TTC28: variants seen among roughly 807,000 people sequenced by gnomAD.
TTC28 encodes tetratricopeptide repeat domain 28.
In TTC28, 61 loss-of-function variants were observed where a neutral mutation model predicts 198.0. The ratio of observed to expected loss-of-function variants is 0.31; its 90% CI spans 0.25 to 0.38. The LOEUF (loss-of-function observed/expected upper bound fraction) is 0.38. Ranked by LOEUF, TTC28 falls within the 10% of genes least tolerant of loss-of-function variation. The pLI, the probability that TTC28 is intolerant of heterozygous loss-of-function variation, is 1.00. For missense variants in TTC28, 2,678 were observed against 3,164.0 expected, an observed-to-expected ratio of 0.85 and a Z score of 3.69; for synonymous variants, 1,171 against 1,297.8, an observed-to-expected ratio of 0.90 and a Z score of 2.10.
At chr22:28,506,949 T>G (rs186794269) in intron 2 of TTC28, among the ~76,000 whole-genome samples, 19 of 152,260 alleles carry the variant, frequency 1.2e-4, no homozygotes, top group African/African-American at 4.6e-4. Context: ...CCCACAAAGA[T>G]GAGAAAGAAT....
At chr22:28,357,882 G>A (rs1056072503) in intron 2 of TTC28, among the ~76,000 whole-genome samples, 7 of 152,088 alleles carry the variant, frequency 4.6e-5, no homozygotes, top group Non-Finnish European at 7.3e-5. Flanking sequence ...CATGAGAGCC[G>A]ATTCGTCGAT....
chr22:28,593,830 T>C (rs909612170), intron 2 of TTC28, among the ~76,000 whole-genome samples: 7 of 152,208 alleles, frequency 4.6e-5, no homozygotes, highest in Non-Finnish European at 1.0e-4. Flanking sequence ...TTTCTATCCA[T>C]GGCCATTTAC....
At chr22:28,669,709 A>C (rs182796997) in intron 1 of TTC28, among the ~76,000 whole-genome samples, 1 of 152,338 alleles carries the variant, frequency 6.6e-6, no homozygotes, top group Admixed American at 6.5e-5. Flanking sequence ...CAAATACCTT[A>C]ACATGTTCAC....
Position 28,065,791 on chromosome 22 carries a change from G to A in TTC28, c.3932+28289C>T, listed in dbSNP as rs542077799. On this transcript the variant is annotated intron_variant, in intron 12 of 22. Transcript: ENST00000397906. ...ATTTCAGACCGTAAGCTTCCAATGA[G>A]TTAGGCTCTGTCCATGTGAGAAAGG... 2.6e-5 allele frequency among the ~76,000 whole-genome samples: 4 copies of A among 152,348 alleles called. No homozygotes were observed. The South Asian group carries it at 8.3e-4, about 32-fold the overall frequency.
At chr22:28,290,094 C>T (rs1418218906) in intron 5 of TTC28, among the ~76,000 whole-genome samples, 1 of 152,088 alleles carries the variant, frequency 6.6e-6, no homozygotes, top group African/African-American at 2.4e-5. Context: ...TACTTTCAGG[C>T]TGCTATCTAG....
In TTC28 at chr22:27,983,346, A is replaced by G. The variant is rs1937089375; in HGVS notation, c.6321T>C (p.Asn2107=). 6.4e-7 allele frequency: 1 copy of G among 1,551,460 alleles called. No homozygotes were observed. Residue 2107 remains asparagine, a synonymous_variant, in exon 23 of 23, where the codon AAT becomes AAC. Transcript: ENST00000397906. ...VSSKGSISTP[N]SPVKMTLIPS... ...GAATCAGAGTCATTTTCACTGGAGA[A>G]TTTGGAGTGCTGATGCTCCCTTTGG...
At chr22:28,468,206 T>G (rs541320646) in intron 2 of TTC28, among the ~76,000 whole-genome samples, 1 of 152,244 alleles carries the variant, frequency 6.6e-6, no homozygotes, top group South Asian at 2.1e-4. Context: ...CAATCCTCTC[T>G]GAGAAAAAGC....
intron 2 of TTC28, among the ~76,000 whole-genome samples, chr22:28,374,004 T>TA (rs2046374757): frequency 6.6e-6 from 1 of 152,214 alleles, no homozygotes. Context: ...TGATCAGATT[T>TA]AGCTGTAAGT....
At chr22:28,189,764 C>CAAACTTGAAGACAGAATTG (rs1924555484) in intron 5 of TTC28, among the ~76,000 whole-genome samples, 2 of 151,896 alleles carry the variant, frequency 1.3e-5, no homozygotes, top group Admixed American at 1.3e-4. Context: ...AACTACCAAT[C>CAAACTTGAAGACAGAATTG]AAACTTGAAG....
Position 28,107,080 on chromosome 22 carries a change from C to A in TTC28, c.2765G>T (p.Gly922Val). ...RMQDQAKAYR[G>V]LGNGHRAMGS... ...TTTTTACCTGTGTCCATTTCCCAGGCCCCGGTAAGCCTTGGCTTGGTCTTG... is the reference window on the plus strand; with the variant it reads ...TTTTTACCTGTGTCCATTTCCCAGGACCCGGTAAGCCTTGGCTTGGTCTTG... The change falls in exon 7 of 23, where the codon GGC becomes GTC. Residue 922 changes from glycine (G) to valine (V), a missense_variant. Gly to Val is a moderately radical substitution (Grantham distance 109). Coordinates refer to ENST00000397906, the MANE Select transcript of TTC28 (RefSeq NM_001145418.2). 1 of 1,548,612 alleles carries A rather than the reference C, an allele frequency of 6.5e-7. No homozygotes were observed. The highest frequency in any genetic ancestry group is 8.7e-7 in the Non-Finnish European group (1 of 1,144,572).
At chr22:28,204,946 G>A (rs1217955520) in intron 5 of TTC28, among the ~76,000 whole-genome samples, 2 of 152,024 alleles carry the variant, frequency 1.3e-5, no homozygotes, top group Non-Finnish European at 2.9e-5. Context: ...CTTAAAGCTG[G>A]TTATTATTTA....
At chr22:28,589,685 G>C (rs181777461) in intron 2 of TTC28, among the ~76,000 whole-genome samples, 2 of 151,980 alleles carry the variant, frequency 1.3e-5, no homozygotes, top group African/African-American at 4.8e-5. Flanking sequence ...GTAAATCTAC[G>C]GTTATGGAGT....
At chr22:28,652,082 C>T (rs190784145) in intron 1 of TTC28, among the ~76,000 whole-genome samples, 18 of 152,220 alleles carry the variant, frequency 1.2e-4, no homozygotes, top group East Asian at 7.7e-4. Context: ...TCAGGTGATC[C>T]GCCCACATTG....
chr22:28,191,549 G>A (rs1261715286), intron 5 of TTC28, among the ~76,000 whole-genome samples: 2 of 152,210 alleles, frequency 1.3e-5, no homozygotes, highest in Non-Finnish European at 2.9e-5. Flanking sequence ...GTCAAAGAAA[G>A]GGGTAACAGA....
At chr22:28,553,412 G>A (rs2049727263) in intron 2 of TTC28, among the ~76,000 whole-genome samples, 1 of 150,726 alleles carries the variant, frequency 6.6e-6, no homozygotes, top group Non-Finnish European at 1.5e-5. Context: ...CATCGTCTGA[G>A]ATGTGGGGAG....
chr22:28,269,973 G>T (rs1321361784), intron 5 of TTC28, among the ~76,000 whole-genome samples: 4 of 152,144 alleles, frequency 2.6e-5, no homozygotes, highest in Non-Finnish European at 5.9e-5. Flanking sequence ...GCAAAACAAT[G>T]GGGACCACTG....
rs1290556671 is a variant in TTC28 at position 28,107,701 on chromosome 22, C to T, written c.2144G>A (p.Arg715Gln). Residue 715 changes from arginine to glutamine, a missense_variant, in exon 7 of 23, where the codon CGA becomes CAA. By Grantham distance (43) the Arg-to-Gln change is conservative. Around this residue, in one of 8 missense-constraint regions of TTC28, gnomAD observed 775 missense variants for 845.9 expected, o/e 0.92. Coordinates refer to ENST00000397906, the MANE Select transcript of TTC28 (RefSeq NM_001145418.2). ...QSLNNSQAKF[R>Q]ALGNLGDIFI... ...TATATCGCCCAGGTTTCCTAGGGCTCGAAATTTAGCCTGGGAATTATTCAG... is the reference window on the plus strand; with the variant it reads ...TATATCGCCCAGGTTTCCTAGGGCTTGAAATTTAGCCTGGGAATTATTCAG... 10 of 1,551,534 alleles carry T rather than the reference C, an allele frequency of 6.4e-6. No homozygotes were observed. Among genetic ancestry groups the T allele is most frequent in the Admixed American group, 5.9e-5 (3 of 50,986 alleles).
At chr22:27,997,125 A>T (rs1937566722) in intron 16 of TTC28, among the ~76,000 whole-genome samples, 1 of 152,160 alleles carries the variant, frequency 6.6e-6, no homozygotes, top group Non-Finnish European at 1.5e-5. Flanking sequence ...GAGGACAATA[A>T]TGGAAACCAC....
At chr22:28,294,838 A>T (rs1486692355) in intron 5 of TTC28, among the ~76,000 whole-genome samples, 1 of 152,170 alleles carries the variant, frequency 6.6e-6, no homozygotes, top group Non-Finnish European at 1.5e-5. Flanking sequence ...AAGTGCTGGG[A>T]TTACAGGCGT....
Sources: gnomAD v4.1 joint callset for allele counts (sites outside exome capture counted in the v4.1 genomes callset) on GRCh38, gnomAD v4.1.1 for gene constraint, gnomAD v4.1.1 regional missense constraint, MANE v1.5 for transcripts, NCBI Gene and HGNC (gene_info 2026-07-23, HGNC 2026-07-21) for gene names.